The following CCNY variants were observed in gnomAD, a reference collection of about 807,000 sequenced individuals.
The protein encoded by CCNY is cyclin Y, also known as cyclin-Y.
Under a neutral mutation model 42.8 loss-of-function variants are expected in CCNY, and 19 were observed. The observed-to-expected ratio is 0.44, with a 90% CI of 0.31 to 0.65. The LOEUF (loss-of-function observed/expected upper bound fraction) is 0.65, where lower values mean the gene tolerates loss of function less well. Among genes scored for constraint, CCNY ranks in the 30% least tolerant of loss-of-function variants. The pLI, the probability that CCNY is intolerant of heterozygous loss-of-function variation, is 0.07. For missense variants in CCNY, 370 were observed against 437.3 expected (o/e 0.85, Z 1.37); for synonymous variants, 165 against 162.7 (o/e 1.01, Z -0.11).
chr10:35,459,030 CA>C (rs2135326074), intron 1 of CCNY, among the ~76,000 whole-genome samples: 1 of 152,312 alleles, frequency 6.6e-6, no homozygotes, highest in South Asian at 2.1e-4. Context: ...GGCTGAGCCA[CA>C]GAGAAGAGAA....
At chr10:35,367,517 A>G (rs938115738) in intron 1 of CCNY, among the ~76,000 whole-genome samples, 1 of 152,240 alleles carries the variant, frequency 6.6e-6, no homozygotes, top group Non-Finnish European at 1.5e-5. Context: ...GTGAGATAAC[A>G]TGGGTCTACA....
intron 3 of CCNY, among the ~76,000 whole-genome samples, chr10:35,270,947 G>C (rs58253661): frequency 6.6e-6 from 1 of 151,516 alleles, no homozygotes; most frequent in African/African-American, 2.4e-5. Flanking sequence ...GGATGGTCTC[G>C]ATCTCCTGAC....
At chr10:35,524,252 T>C (rs574521584) in intron 4 of CCNY, among the ~76,000 whole-genome samples, 6 of 152,354 alleles carry the variant, frequency 3.9e-5, no homozygotes, top group South Asian at 4.1e-4. Context: ...TACTATTTTT[T>C]ATAAATTCTG....
intron 1 of CCNY, among the ~76,000 whole-genome samples, chr10:35,339,670 T>A (rs1052971385): frequency 6.6e-5 from 10 of 152,238 alleles, no homozygotes; most frequent in Non-Finnish European, 1.3e-4. Context: ...TATGATAGGT[T>A]AGTGTCTTTA....
chr10:35,432,840 T>G (rs967533045), intron 1 of CCNY, among the ~76,000 whole-genome samples: 2 of 152,256 alleles, frequency 1.3e-5, no homozygotes, highest in Admixed American at 1.3e-4. Context: ...CTTTTAATTA[T>G]ACAGCAAAGG....
chr10:35,351,243 T>A (rs1416320316), intron 1 of CCNY, among the ~76,000 whole-genome samples: 2 of 152,234 alleles, frequency 1.3e-5, no homozygotes, highest in Non-Finnish European at 2.9e-5. Flanking sequence ...AGGAAGATTA[T>A]TTGGAGTTGT....
intron 3 of CCNY, among the ~76,000 whole-genome samples, chr10:35,254,250 T>C (rs375976634): frequency 6.6e-6 from 1 of 152,182 alleles, no homozygotes; most frequent in East Asian, 1.9e-4. Flanking sequence ...TTTCTTTGGC[T>C]TCTGAAATTA....
chr10:35,263,218 G>T (rs776583147), intron 3 of CCNY, among the ~76,000 whole-genome samples: 1 of 151,882 alleles, frequency 6.6e-6, no homozygotes, highest in Non-Finnish European at 1.5e-5. Context: ...TTAGCCAGGC[G>T]TGGTGGCGGG....
chr10:35,324,786 G>A (rs563824033), intron 3 of CCNY, among the ~76,000 whole-genome samples: 2 of 152,028 alleles, frequency 1.3e-5, no homozygotes, highest in Non-Finnish European at 2.9e-5. Flanking sequence ...TGGGTCTGAA[G>A]AATAAAAGAA....
Position 35,566,154 on chromosome 10 carries a change from C to A in CCNY, c.878C>A (p.Pro293His), listed in dbSNP as rs767618742. Reference sequence around the variant, plus strand: ...AACAACCTGAGCTTTCCCTTGGAGCCCCTGAGCAGGGAGAGGGCTCACAAG... The same window carrying A: ...AACAACCTGAGCTTTCCCTTGGAGCACCTGAGCAGGGAGAGGGCTCACAAG... ...EANNLSFPLE[P>H]LSRERAHKLE... is the part of the protein sequence containing the mutation. The change falls in exon 9 of 10, where the codon CCC (proline) becomes CAC (histidine). Residue 293 changes from proline to histidine, a missense_variant. Physicochemically the swap from Pro to His is moderately conservative, Grantham distance 77. This residue lies in a region of CCNY where 234 missense variants were observed against 313.1 expected (regional missense o/e 0.75). Transcript: ENST00000374704. The A allele has an allele frequency of 6.2e-7, 1 of 1,614,018 alleles. No individual in the cohort carries two copies. Among genetic ancestry groups the A allele is most frequent in the East Asian group, 2.2e-5 (1 of 44,892 alleles).
At chr10:35,337,256 C>T in intron 1 of CCNY, 49 bp downstream of exon 1, 1 of 1,438,752 alleles carries the variant, frequency 7.0e-7, no homozygotes, top group South Asian at 1.4e-5. Context: ...GCAACAGTCG[C>T]ACAGCCAACG....
intron 2 of CCNY, among the ~76,000 whole-genome samples, chr10:35,249,105 T>G (rs954874396): frequency 6.6e-6 from 1 of 151,996 alleles, no homozygotes; most frequent in African/African-American, 2.4e-5. Context: ...GCTAATTTTT[T>G]TGAAATTTAG....
At chr10:35,301,548 T>G (rs1316812937) in intron 3 of CCNY, among the ~76,000 whole-genome samples, 4 of 152,232 alleles carry the variant, frequency 2.6e-5, no homozygotes, top group Non-Finnish European at 4.4e-5. Flanking sequence ...TCTTACTCCC[T>G]GAACACATGG....
intron 3 of CCNY, among the ~76,000 whole-genome samples, chr10:35,328,292 C>T (rs909611133): frequency 3.9e-5 from 6 of 152,112 alleles, no homozygotes; most frequent in African/African-American, 1.2e-4. Flanking sequence ...ACAGATGTTA[C>T]GGAACTGATC....
intron 1 of CCNY, among the ~76,000 whole-genome samples, chr10:35,453,376 C>T (rs150620425): frequency 1.0e-3 from 152 of 152,128 alleles, no homozygotes; most frequent in Middle Eastern, 3.4e-3. Context: ...GGAAATTTTC[C>T]GCTTATTCAG....
chr10:35,443,533 C>A (rs180925974), intron 1 of CCNY, among the ~76,000 whole-genome samples: 1 of 152,178 alleles, frequency 6.6e-6, no homozygotes. Flanking sequence ...TCCACCAGCA[C>A]CTCTGTCCCA....
At position 35,554,056 on chromosome 10, in the gene CCNY, G is replaced by A. The variant is rs528551887; in HGVS notation, c.746+871G>A. On this transcript the variant is annotated intron_variant, in intron 8 of 9. Coordinates refer to ENST00000374704, the MANE Select transcript of CCNY (RefSeq NM_145012.6). Reference sequence around the variant, plus strand: ...TTTGTTTGGCAAACCTCCTCAAGGGGGCTTTAAGCTGGAGGAGGTTACCAG... The same window carrying A: ...TTTGTTTGGCAAACCTCCTCAAGGGAGCTTTAAGCTGGAGGAGGTTACCAG... Among the ~76,000 whole-genome samples, 4 of 152,270 alleles carry A rather than the reference G, an allele frequency of 2.6e-5. No homozygotes were observed. The South Asian group carries it at 6.2e-4, about 24-fold the overall frequency.
chr10:35,559,938 G>T (rs1841433019), intron 8 of CCNY, among the ~76,000 whole-genome samples: 1 of 152,214 alleles, frequency 6.6e-6, no homozygotes, highest in Admixed American at 6.5e-5. Context: ...CCTGGAGCTT[G>T]CCCTGCTAGA....
At chr10:35,330,859 C>T (rs1835935766) in intron 3 of CCNY, among the ~76,000 whole-genome samples, 1 of 151,906 alleles carries the variant, frequency 6.6e-6, no homozygotes. Flanking sequence ...TGGGTTCAAG[C>T]AGTTCTCCCT....
Sources: allele counts gnomAD v4.1 joint callset (sites outside exome capture counted in the v4.1 genomes callset), GRCh38; gene constraint gnomAD v4.1.1; regional missense constraint gnomAD v4.1.1; transcripts MANE v1.5; gene names NCBI Gene and HGNC (gene_info 2026-07-23, HGNC 2026-07-21).